ADGRV1: variants seen among roughly 807,000 people sequenced by gnomAD.
ADGRV1 encodes the protein G-protein coupled receptor 98.
Under a neutral mutation model 596.2 loss-of-function variants are expected in ADGRV1, and 359 were observed. That is an observed-to-expected ratio of 0.60 (90% CI 0.55 to 0.66). The LOEUF is 0.66. Ranked by LOEUF, ADGRV1 falls within the 30% of genes least tolerant of loss-of-function variation. The pLI, the probability that ADGRV1 is intolerant of heterozygous loss-of-function variation, is 0.00. For synonymous variants in ADGRV1, 2,681 were observed against 2,679.2 expected (o/e 1.00, Z -0.02); for missense variants, 7,274 against 7,575.6 (o/e 0.96, Z 1.48).
At chr5:90,830,420 C>T (rs1375905560) in intron 77 of ADGRV1, among the ~76,000 whole-genome samples, 17 of 151,954 alleles carry the variant, frequency 1.1e-4, no homozygotes, top group Non-Finnish European at 1.8e-4. Flanking sequence ...AAATGTATAT[C>T]GTTATAACTT....
chr5:90,763,231 A>G, intron 58 of ADGRV1, 74 bp from the exon 59 acceptor site: 1 of 1,180,492 alleles, frequency 8.5e-7, no homozygotes. Flanking sequence ...GTAAACAGAA[A>G]TAAGATTCTA....
chr5:90,799,177 C>G (rs890812192), intron 70 of ADGRV1, among the ~76,000 whole-genome samples: 2 of 152,014 alleles, frequency 1.3e-5, no homozygotes, highest in Non-Finnish European at 2.9e-5. Flanking sequence ...TTTAGAAAAC[C>G]CCATCATCTC....
At position 91,112,735 on chromosome 5, in the gene ADGRV1, G is replaced by A. The variant is rs186548402; in HGVS notation, c.18432+10395G>A. 4.6e-5 allele frequency among the ~76,000 whole-genome samples: 7 copies of A among 152,076 alleles called. No individual in the cohort carries two copies. The East Asian group carries it at 5.8e-4, about 13-fold the overall frequency. On this transcript the variant is annotated intron_variant, in intron 87 of 89. Coordinates refer to ENST00000405460, the MANE Select transcript of ADGRV1 (RefSeq NM_032119.4). Reference sequence around the variant, plus strand: ...ATATTTTACACCAACATTTTGTAACGTTCAGCCATCAGATTTAGTAGAAGG... The same window carrying A: ...ATATTTTACACCAACATTTTGTAACATTCAGCCATCAGATTTAGTAGAAGG...
intron 83 of ADGRV1, among the ~76,000 whole-genome samples, chr5:90,937,625 T>G (rs180933475): frequency 3.9e-5 from 6 of 152,038 alleles, no homozygotes; most frequent in East Asian, 1.9e-4. Flanking sequence ...GCCCAGCTAA[T>G]TTTTTGTATT....
chr5:91,148,385 T>C (rs1249791773), intron 87 of ADGRV1, among the ~76,000 whole-genome samples: 1 of 152,050 alleles, frequency 6.6e-6, no homozygotes, highest in Non-Finnish European at 1.5e-5. Flanking sequence ...CTGTGTGCCA[T>C]GTGTGCAGTC....
At position 90,653,726 on chromosome 5, in the gene ADGRV1, G is replaced by A. The variant is rs762132482; in HGVS notation, c.4152G>A (p.Gly1384=). 18 of 1,612,702 alleles carry A rather than the reference G, an allele frequency of 1.1e-5. No individual in the cohort carries two copies. Among genetic ancestry groups the A allele is most frequent in the Non-Finnish European group, 1.5e-5 (18 of 1,179,442 alleles). Residue 1384 remains glycine (G), a synonymous_variant, in exon 20 of 90, where the codon GGG becomes GGA. Transcript: ENST00000405460. ...ACGGTAATGGAAGCATCTACTACGG[G>A]GTAAAAATACAAACAAACGAATCCC... ...KDDGNGSIYY[G]VKIQTNESHV... is the part of the protein sequence containing the mutation.
chr5:90,940,183 C>T (rs996589101), intron 83 of ADGRV1, among the ~76,000 whole-genome samples: 4 of 152,222 alleles, frequency 2.6e-5, no homozygotes, highest in Admixed American at 2.0e-4. Context: ...TACCTCCCCT[C>T]ACTGACTGTC....
In ADGRV1 at chr5:90,971,617, G is replaced by A. The variant is rs1458824083; in HGVS notation, c.17973+6086G>A. Among the ~76,000 whole-genome samples the A allele has an allele frequency of 2.0e-5, 3 of 152,166 alleles. No homozygotes were observed. The East Asian group carries it at 5.8e-4, about 29-fold the overall frequency. On this transcript the variant is annotated intron_variant, in intron 84 of 89. Coordinates refer to ENST00000405460, the MANE Select transcript of ADGRV1 (RefSeq NM_032119.4). ...AGCCAAACTAAGCTTTGTAAGTGAA[G>A]GAGAAATAAAATCCTTTACAGACAA...
intron 85 of ADGRV1, among the ~76,000 whole-genome samples, chr5:91,002,679 C>T (rs549865615): frequency 1.3e-5 from 2 of 151,940 alleles, no homozygotes; most frequent in South Asian, 2.1e-4. Context: ...TTCTCATGTA[C>T]CCATGTTGAT....
chr5:90,614,724 AGTTGT>A (rs1763138239), intron 1 of ADGRV1, 106 bp from the exon 2 acceptor site: 2 of 806,938 alleles, frequency 2.5e-6, no homozygotes, highest in Admixed American at 4.0e-5. Context: ...TTTATGTCTT[AGTTGT>A]TTGCTGTCTA....
chr5:90,784,421 G>T (rs1759198893), intron 67 of ADGRV1, among the ~76,000 whole-genome samples: 1 of 152,120 alleles, frequency 6.6e-6, no homozygotes, highest in Admixed American at 6.5e-5. Flanking sequence ...ATTTTATTAA[G>T]CAGAGCTGAG....
At chr5:90,674,277 T>C (rs763748524) in intron 23 of ADGRV1, 43 bp downstream of exon 23, 18 of 1,467,278 alleles carry the variant, frequency 1.2e-5, no homozygotes, top group Admixed American at 2.4e-5. Flanking sequence ...CTTCTCTGGG[T>C]GTACTTAGTT....
chr5:90,933,287 A>T (rs1247440869), intron 83 of ADGRV1, among the ~76,000 whole-genome samples: 4 of 152,192 alleles, frequency 2.6e-5, no homozygotes, highest in African/African-American at 9.7e-5. Context: ...ACAAAGGGTA[A>T]TGTTGTAAAA....
In ADGRV1 at chr5:90,644,809, T is replaced by A; in HGVS notation, c.2838T>A (p.Thr946=). The A allele has an allele frequency of 6.2e-7, 1 of 1,611,674 alleles. No individual in the cohort carries two copies. Among genetic ancestry groups the A allele is most frequent in the South Asian group, 1.1e-5 (1 of 90,140 alleles). ...FTQDVFPVQG[T]VVFGDQEFSK... is the part of the protein sequence containing the mutation. ...AAGATGTATTTCCTGTACAAGGGAC[T>A]GTTGTCTTTGGAGATCAGGAATTTT... Residue 946 remains threonine, a synonymous_variant, in exon 15 of 90, where the codon ACT becomes ACA. Transcript: ENST00000405460.
At chr5:90,978,873 A>C (rs570108439) in intron 84 of ADGRV1, among the ~76,000 whole-genome samples, 4 of 152,362 alleles carry the variant, frequency 2.6e-5, no homozygotes, top group Admixed American at 6.5e-5. Context: ...AATTGTGTAC[A>C]TCTTCATTTA....
chr5:91,053,722 CT>C (rs1182958141), intron 85 of ADGRV1, among the ~76,000 whole-genome samples: 17 of 152,300 alleles, frequency 1.1e-4, no homozygotes, highest in African/African-American at 4.1e-4. Flanking sequence ...TAATAATTCA[CT>C]CCTTTCCTTG....
chr5:90,827,143 C>T (rs1417913964), intron 76 of ADGRV1, among the ~76,000 whole-genome samples: 1 of 151,866 alleles, frequency 6.6e-6, no homozygotes, highest in African/African-American at 2.4e-5. Flanking sequence ...AGTTCTGGTC[C>T]CTGGAAAAAT....
At chr5:90,789,513 A>G (rs1306397649) in intron 68 of ADGRV1, among the ~76,000 whole-genome samples, 189 bp from the exon 69 acceptor site, 1 of 152,194 alleles carries the variant, frequency 6.6e-6, no homozygotes, top group Non-Finnish European at 1.5e-5. Context: ...ATAAGAACCT[A>G]CTTGTTTTAG....
At chr5:90,766,558 C>T (rs2150032009) in intron 59 of ADGRV1, among the ~76,000 whole-genome samples, 1 of 152,140 alleles carries the variant, frequency 6.6e-6, no homozygotes, top group South Asian at 2.1e-4. Flanking sequence ...TTCAGCCAAT[C>T]AAAAAACTGA....
Sources: allele counts gnomAD v4.1 joint callset (sites outside exome capture counted in the v4.1 genomes callset), GRCh38; gene constraint gnomAD v4.1.1; transcripts MANE v1.5; gene names NCBI Gene and HGNC (gene_info 2026-07-23, HGNC 2026-07-21).